GPATCH2L: variants seen among roughly 807,000 people sequenced by gnomAD.
The protein encoded by GPATCH2L is G patch domain-containing protein 2-like.
A neutral mutation model predicts 57.4 loss-of-function variants in GPATCH2L; 31 were observed. The observed-to-expected ratio is 0.54, with a 90% CI of 0.41 to 0.73. The LOEUF (loss-of-function observed/expected upper bound fraction) is 0.73, where lower values mean the gene tolerates loss of function less well. GPATCH2L is among the 30% of genes least tolerant of loss of function. The pLI is 0.00. For missense variants in GPATCH2L, 481 were observed against 599.9 expected (o/e 0.80, Z 2.07); for synonymous variants, 199 against 210.7 (o/e 0.94, Z 0.48).
chr14:76,168,091 T>C (rs1355538778), intron 3 of GPATCH2L, among the ~76,000 whole-genome samples: 1 of 152,212 alleles, frequency 6.6e-6, no homozygotes, highest in East Asian at 1.9e-4. Flanking sequence ...GCTTCACACA[T>C]TCTGGTGACA....
Position 76,212,368 on chromosome 14 carries a change from T to C in GPATCH2L, c.*10517T>C, listed in dbSNP as rs761464464. 7 of 150,620 alleles carry C rather than the reference T, an allele frequency of 4.6e-5. No individual in the cohort carries two copies. The highest frequency in any genetic ancestry group is 7.4e-5 in the Non-Finnish European group (5 of 67,732). 9.3% of individuals were successfully genotyped at this position (150,620 alleles called of 1,614,324 possible). A position where few individuals can be genotyped will look rare whatever the true frequency, so the allele number is the denominator to read the frequency against. On this transcript the variant is annotated 3_prime_UTR_variant, in exon 10 of 10. Coordinates refer to ENST00000261530, the MANE Select transcript of GPATCH2L (RefSeq NM_017926.4). ...AAGAAAATGAGTTGTAGTCTGCATA[T>C]CAGGCAAGGTTGAACTTAGGGAAAA... is the stretch of plus-strand genomic sequence containing the variant.
downstream of GPATCH2L, among the ~76,000 whole-genome samples, chr14:76,215,235 A>G (rs565720183): frequency 3.3e-5 from 5 of 152,230 alleles, no homozygotes; most frequent in East Asian, 5.8e-4. Context: ...CACACCAGTT[A>G]GAATGGCAAT....
rs937001541 is a variant in GPATCH2L at position 76,198,779 on chromosome 14, C to A, written c.1288+2807C>A. On this transcript the variant is annotated intron_variant, in intron 9 of 9. Transcript: ENST00000261530. Reference sequence around the variant, plus strand: ...TCAAATGTATTGTCAGATGCATTCACAAGAGCAGGACTGCTTATCTGTTTT... The same window carrying A: ...TCAAATGTATTGTCAGATGCATTCAAAAGAGCAGGACTGCTTATCTGTTTT... Among the ~76,000 whole-genome samples the A allele has an allele frequency of 8.4e-4, 94 of 112,256 alleles. 1 individual carries two copies. Among genetic ancestry groups the A allele is most frequent in the African/African-American group, 2.3e-3 (89 of 38,414 alleles). The allele number at this position is 112,256 out of a possible 152,430, so 73.6% of individuals were successfully genotyped here.
chr14:76,201,360 T>G (rs2040305591), intron 9 of GPATCH2L, among the ~76,000 whole-genome samples: 1 of 152,148 alleles, frequency 6.6e-6, no homozygotes, highest in African/African-American at 2.4e-5. Context: ...GAGTAAGGGT[T>G]TGCATTAACA....
intron 2 of GPATCH2L, among the ~76,000 whole-genome samples, chr14:76,156,618 A>G (rs865856194): frequency 6.6e-6 from 1 of 152,232 alleles, no homozygotes; most frequent in Non-Finnish European, 1.5e-5. Flanking sequence ...GAAACCCTCT[A>G]TTGAGACATT....
In GPATCH2L at chr14:76,210,436, G is replaced by A. The variant is rs1415186701; in HGVS notation, c.*8585G>A. ...CATATGCATAAGCTGTGGGCCACTG[G>A]GCCATGGGCCAGTGTCTGATGAGAC... On this transcript the variant is annotated 3_prime_UTR_variant, in exon 10 of 10. Transcript: ENST00000261530. 2 of 151,982 alleles carry A rather than the reference G, an allele frequency of 1.3e-5. No individual in the cohort carries two copies. Among genetic ancestry groups the A allele is most frequent in the Non-Finnish European group, 1.5e-5 (1 of 68,004 alleles). The allele number at this position is 151,982 out of a possible 1,614,324, so 9.4% of individuals were successfully genotyped here.
chr14:76,232,647 T>C (rs965470836), intron 2 of GPATCH2L, among the ~76,000 whole-genome samples: 9 of 152,186 alleles, frequency 5.9e-5, no homozygotes, highest in African/African-American at 2.2e-4. Context: ...TATGGGTTAT[T>C]ACAGCTAAAG....
At chr14:76,156,877 T>G (rs1474027754) in intron 2 of GPATCH2L, among the ~76,000 whole-genome samples, 1 of 152,226 alleles carries the variant, frequency 6.6e-6, no homozygotes, top group Non-Finnish European at 1.5e-5. Flanking sequence ...TTTCTGTTCC[T>G]TCTTACTCCA....
chr14:76,208,468 T>C lies in GPATCH2L; in HGVS notation c.*6617T>C, dbSNP rs539139963. The C allele has an allele frequency of 6.6e-6, 1 of 152,218 alleles. No individual in the cohort carries two copies. The highest frequency in any genetic ancestry group is 1.5e-5 in the Non-Finnish European group (1 of 68,016). The allele number at this position is 152,218 out of a possible 1,614,324, so 9.4% of individuals were successfully genotyped here. Reference sequence around the variant, plus strand: ...CAGCAGCTTATTGCAAACTGGCCATTCTAAACCCTTTTACCCCCACCTTCT... The same window carrying C: ...CAGCAGCTTATTGCAAACTGGCCATCCTAAACCCTTTTACCCCCACCTTCT... On this transcript the variant is annotated 3_prime_UTR_variant, in exon 10 of 10. Transcript: ENST00000261530.
rs1249599821 is a variant in GPATCH2L, at chr14:76,212,156, T to A, written c.*10305T>A. The stretch of plus-strand genomic sequence containing the variant: ...AGACTGCTAATTATGAGAAAAAACA[T>A]GTATGCACAACCAAACAAATCACAA... On this transcript the variant is annotated 3_prime_UTR_variant, in exon 10 of 10. Coordinates refer to ENST00000261530, the MANE Select transcript of GPATCH2L (RefSeq NM_017926.4). 6.6e-6 allele frequency: 1 copy of A among 152,036 alleles called. No homozygotes were observed. The highest frequency in any genetic ancestry group is 2.4e-5 in the African/African-American group (1 of 41,418). The allele number at this position is 152,036 out of a possible 1,614,324, so 9.4% of individuals were successfully genotyped here. A position where few individuals can be genotyped will look rare whatever the true frequency, so the allele number is the denominator to read the frequency against.
chr14:76,161,218 A>C (rs1243703406), intron 2 of GPATCH2L, among the ~76,000 whole-genome samples: 1 of 152,192 alleles, frequency 6.6e-6, no homozygotes, highest in African/African-American at 2.4e-5. Flanking sequence ...TCTAAGAGTG[A>C]CTTTTTTCCA....
Position 76,154,372 on chromosome 14 carries a change from G to A in GPATCH2L, c.9G>A (p.Glu3=), listed in dbSNP as rs746213831. 2.5e-6 allele frequency: 4 copies of A among 1,585,764 alleles called. No individual in the cohort carries two copies. Among genetic ancestry groups the A allele is most frequent in the East Asian group, 2.3e-5 (1 of 44,138 alleles). MD[E]LVHDLASALE... is the part of the protein sequence containing the mutation. ...TTGGCAGATGTGGCCTCATGGATGAGCTGGTACACGACTTAGCCTCAGCCT... is the reference window on the plus strand; with the variant it reads ...TTGGCAGATGTGGCCTCATGGATGAACTGGTACACGACTTAGCCTCAGCCT... The change falls in exon 2 of 10, where the codon GAG becomes GAA. Residue 3 remains glutamate (E), a synonymous_variant. Transcript: ENST00000261530. The surrounding 1 kb of genome is among the most constrained non-coding windows in gnomAD (Gnocchi z 4.4).
At chr14:76,198,737 G>A (rs1215437997) in intron 9 of GPATCH2L, among the ~76,000 whole-genome samples, 1 of 152,114 alleles carries the variant, frequency 6.6e-6, no homozygotes, top group Non-Finnish European at 1.5e-5. Flanking sequence ...GAGAGCGAGA[G>A]AGAGAGATTT....
At chr14:76,181,786 C>T (rs559097607) in intron 8 of GPATCH2L, among the ~76,000 whole-genome samples, 2 of 152,302 alleles carry the variant, frequency 1.3e-5, no homozygotes, top group Non-Finnish European at 2.9e-5. Flanking sequence ...AGGCTGGACC[C>T]TAGAAGTTGT....
intron 9 of GPATCH2L, chr14:76,196,735 T>C (rs1343046310): frequency 6.6e-6 from 1 of 152,276 alleles, no homozygotes; most frequent in Non-Finnish European, 1.5e-5. Flanking sequence ...GAATATACCA[T>C]TGAATATTTT....
chr14:76,171,301 G>A (rs897588221), intron 3 of GPATCH2L, among the ~76,000 whole-genome samples: 4 of 150,624 alleles, frequency 2.7e-5, no homozygotes, highest in East Asian at 1.9e-4. Flanking sequence ...AAGACTGGGC[G>A]CGGTGGCTCA....
rs1462148598 is a variant in GPATCH2L, at chr14:76,214,272, A to G, written c.*12421A>G. 1.3e-5 allele frequency: 2 copies of G among 152,138 alleles called. No individual in the cohort carries two copies. The highest frequency in any genetic ancestry group is 2.9e-5 in the Non-Finnish European group (2 of 68,024). 9.4% of individuals were successfully genotyped at this position (152,138 alleles called of 1,614,324 possible). On this transcript the variant is annotated 3_prime_UTR_variant, in exon 10 of 10. Transcript: ENST00000261530. ...TTTTGTGCCTTTTAGCAGTGTTTTAAAATTATCCTTGTGTAGGTTTTGTGC... is the reference window on the plus strand; with the variant it reads ...TTTTGTGCCTTTTAGCAGTGTTTTAGAATTATCCTTGTGTAGGTTTTGTGC...
chr14:76,229,864 C>T (rs8008940), exon 2 of GPATCH2L: 43,708 of 152,112 alleles, frequency 0.29, 7,714 homozygotes, highest in African/African-American at 0.5. Context: ...TGTATTCCAG[C>T]GAGAGTGCCC....
chr14:76,153,671 A>G (rs1174303278), intron 1 of GPATCH2L: 1 of 152,232 alleles, frequency 6.6e-6, no homozygotes, highest in East Asian at 1.9e-4. Flanking sequence ...TATACCTGGT[A>G]GCTTCCAGGT....
Sources: allele counts gnomAD v4.1 joint callset (sites outside exome capture counted in the v4.1 genomes callset), GRCh38; gene constraint gnomAD v4.1.1; non-coding constraint Gnocchi (gnomAD v3.1); transcripts MANE v1.5; gene names NCBI Gene and HGNC (gene_info 2026-07-23, HGNC 2026-07-21).